The following NFATC3 variants were observed in gnomAD, a reference collection of about 807,000 sequenced individuals.
The protein encoded by NFATC3 is nuclear factor of activated T-cells, cytoplasmic 3.
A neutral mutation model predicts 98.6 loss-of-function variants in NFATC3; 46 were observed. That is an observed-to-expected ratio of 0.47 (90% CI 0.37 to 0.60). NFATC3 has a LOEUF of 0.60. Among genes scored for constraint, NFATC3 ranks in the 20% least tolerant of loss-of-function variants. The pLI is 0.00. For synonymous variants in NFATC3, 512 were observed against 472.2 expected (o/e 1.08, Z -1.09); for missense variants, 1,256 against 1,295.5 (o/e 0.97, Z 0.47).
rs116237895 is a variant in NFATC3, at chr16:68,141,573, G to A, written c.1401+14963G>A. Among the ~76,000 whole-genome samples the A allele has an allele frequency of 5.4e-3, 829 of 152,182 alleles. 5 individuals carry two copies. The highest frequency in any genetic ancestry group is 0.019 in the African/African-American group (796 of 41,516). On this transcript the variant is annotated intron_variant, in intron 3 of 9. Coordinates refer to ENST00000346183, the MANE Select transcript of NFATC3 (RefSeq NM_173165.3). ...TTTACCTGATGGTTAGTGATGTTGA[G>A]CATTTTTTTCATACGTTTGTGGGCC... is the stretch of plus-strand genomic sequence containing the variant.
At chr16:68,198,690 G>A (rs1238180833) in intron 9 of NFATC3, among the ~76,000 whole-genome samples, 4 of 151,956 alleles carry the variant, frequency 2.6e-5, no homozygotes, top group South Asian at 2.1e-4. Context: ...TGGGAGGATC[G>A]CTTGAGCCCA....
Position 68,121,982 on chromosome 16 carries a change from C to G in NFATC3, c.104-5C>G, listed in dbSNP as rs747161833. ...GTTTTTTTTTTTTTGCCTTCCTCCC[C>G]GTAGATCTTGAGCCAGATGATTGTG... On this transcript the variant is annotated splice_polypyrimidine_tract_variant and splice_region_variant and intron_variant, in intron 1 of 9. Transcript: ENST00000346183. 30 of 1,567,722 alleles carry G rather than the reference C, an allele frequency of 1.9e-5. No homozygotes were observed. The highest frequency in any genetic ancestry group is 2.6e-5 in the Non-Finnish European group (30 of 1,159,938).
intron 5 of NFATC3, among the ~76,000 whole-genome samples, chr16:68,170,496 T>C: frequency 7.0e-6 from 1 of 142,442 alleles, no homozygotes; most frequent in South Asian, 2.2e-4. Context: ...TGGCTGTTCT[T>C]TTTTTTTTTT....
At chr16:68,142,294 C>G (rs902487200) in intron 3 of NFATC3, among the ~76,000 whole-genome samples, 3 of 152,030 alleles carry the variant, frequency 2.0e-5, no homozygotes, top group African/African-American at 7.2e-5. Flanking sequence ...CTTTTACCTC[C>G]TTGTGTAAGT....
At chr16:68,222,925 A>T (rs558753584) in intron 9 of NFATC3, among the ~76,000 whole-genome samples, 1 of 152,334 alleles carries the variant, frequency 6.6e-6, no homozygotes, top group East Asian at 1.9e-4. Context: ...GAACCTGCAC[A>T]GAAAACACTC....
Position 68,122,933 on chromosome 16 carries a change from A to G in NFATC3, c.1050A>G (p.Ile350Met), listed in dbSNP as rs929994487. 5.0e-6 allele frequency: 8 copies of G among 1,614,092 alleles called. No homozygotes were observed. Among genetic ancestry groups the G allele is most frequent in the Non-Finnish European group, 6.8e-6 (8 of 1,180,036 alleles). ...TRKTSEDQAA[I>M]LPGKLELCSD... is the part of the protein sequence containing the mutation. ...AAACTTCTGAAGATCAAGCTGCCAT[A>G]CTACCAGGAAAATTAGAGCTGTGTT... The change falls in exon 2 of 10, where the codon ATA becomes ATG. Residue 350 changes from isoleucine (I) to methionine (M), a missense_variant. Ile to Met is a conservative substitution (Grantham distance 10). Around this residue, in one of 3 missense-constraint regions of NFATC3, gnomAD observed 464 missense variants for 465.7 expected, o/e 1.00. Coordinates refer to ENST00000346183, the MANE Select transcript of NFATC3 (RefSeq NM_173165.3).
At chr16:68,212,672 G>C (rs745923641) in intron 9 of NFATC3, 3 of 151,536 alleles carry the variant, frequency 2.0e-5, no homozygotes, top group African/African-American at 7.3e-5. Context: ...TTGTGACCCA[G>C]TACACAAAAA....
At chr16:68,097,170 G>T (rs1255069071) in intron 1 of NFATC3, among the ~76,000 whole-genome samples, 1 of 152,094 alleles carries the variant, frequency 6.6e-6, no homozygotes, top group South Asian at 2.1e-4. Context: ...TGTGGTAGGA[G>T]AATTAGCTTT....
chr16:68,207,003 A>AC (rs2041172344), intron 9 of NFATC3, among the ~76,000 whole-genome samples: 1 of 147,416 alleles, frequency 6.8e-6, no homozygotes, highest in African/African-American at 2.5e-5. Context: ...ACGCATACAT[A>AC]TTAAAAAAAA....
chr16:68,165,392 C>T (rs149437058), intron 4 of NFATC3, among the ~76,000 whole-genome samples: 759 of 103,106 alleles, frequency 7.4e-3, no homozygotes, highest in Middle Eastern at 0.011. Context: ...TTTTCTTTTT[C>T]TTTTTTTTTT....
At chr16:68,162,984 C>T (rs1335173976) in intron 4 of NFATC3, among the ~76,000 whole-genome samples, 1 of 151,682 alleles carries the variant, frequency 6.6e-6, no homozygotes, top group Non-Finnish European at 1.5e-5. Context: ...ATCTGTTTAA[C>T]AAAGCACATC....
At position 68,221,548 on chromosome 16, in the gene NFATC3, A is replaced by G. The variant is rs139018788; in HGVS notation, c.3107-4802A>G. ...CAAGTAATTTTATTTAGTACTCAAT[A>G]TATGTAAGCACTAGGGATTCAGGGG... On this transcript the variant is annotated intron_variant, in intron 9 of 9. Transcript: ENST00000346183. The G allele has an allele frequency of 1.1e-3, 1,267 of 1,195,284 alleles. 18 individuals are homozygous for G. The African/African-American group carries it at 0.017, about 16-fold the overall frequency. The allele number at this position is 1,195,284 out of a possible 1,614,324, so 74.0% of individuals were successfully genotyped here.
rs145075379 is a variant in NFATC3 at position 68,122,877 on chromosome 16, G to C, written c.994G>C (p.Val332Leu). The change falls in exon 2 of 10, where the codon GTA (valine) becomes CTA (leucine). Residue 332 changes from valine (V) to leucine (L), a missense_variant. By Grantham distance (32) the Val-to-Leu change is conservative. Around this residue, in one of 3 missense-constraint regions of NFATC3, gnomAD observed 464 missense variants for 465.7 expected, o/e 1.00. Transcript: ENST00000346183. ...TGCAGTTTTTCCATTTCAGTACTGT[G>C]TAGAGACTGACATCCCTCTCAAAAC... Reference protein sequence around the residue: ...GPAVFPFQYCVETDIPLKTRK... With the variant: ...GPAVFPFQYCLETDIPLKTRK... 4.3e-6 allele frequency: 7 copies of C among 1,614,078 alleles called. No individual in the cohort carries two copies. The African/African-American group carries it at 9.3e-5, about 22-fold the overall frequency.
chr16:68,180,398 A>G (rs548700078), intron 6 of NFATC3, among the ~76,000 whole-genome samples: 1 of 152,282 alleles, frequency 6.6e-6, no homozygotes, highest in South Asian at 2.1e-4. Context: ...GGAATGAGTT[A>G]CCTGGTGAGG....
chr16:68,197,713 T>G (rs1260916232), intron 9 of NFATC3, among the ~76,000 whole-genome samples: 1 of 152,256 alleles, frequency 6.6e-6, no homozygotes, highest in Non-Finnish European at 1.5e-5. Context: ...AAGTCCAAAG[T>G]AATTTCCACT....
chr16:68,166,759 CAAATT>C (rs1213858081), intron 4 of NFATC3, 79 bp from the exon 5 acceptor site: 9 of 1,124,102 alleles, frequency 8.0e-6, no homozygotes, highest in Non-Finnish European at 1.1e-5. Flanking sequence ...TTTTTTCTGA[CAAATT>C]AACAATTTCT....
intron 6 of NFATC3, among the ~76,000 whole-genome samples, chr16:68,177,547 G>A (rs1217528207): frequency 6.6e-6 from 1 of 151,860 alleles, no homozygotes; most frequent in East Asian, 1.9e-4. Context: ...ACCTTTCAGT[G>A]TGCCTTTCTG....
intron 9 of NFATC3, among the ~76,000 whole-genome samples, chr16:68,197,802 A>G (rs1320977379): frequency 3.3e-5 from 5 of 152,206 alleles, no homozygotes; most frequent in Admixed American, 6.5e-5. Context: ...ACTTTTGTTA[A>G]TTCTGTTTTA....
chr16:68,113,403 C>T (rs1049270004), intron 1 of NFATC3, among the ~76,000 whole-genome samples: 11 of 152,230 alleles, frequency 7.2e-5, no homozygotes, highest in East Asian at 5.8e-4. Flanking sequence ...CATCTACCCC[C>T]TCCTGCACCT....
Sources: gnomAD v4.1 joint callset for allele counts (sites outside exome capture counted in the v4.1 genomes callset) on GRCh38, gnomAD v4.1.1 for gene constraint, gnomAD v4.1.1 regional missense constraint, MANE v1.5 for transcripts, NCBI Gene and HGNC (gene_info 2026-07-23, HGNC 2026-07-21) for gene names.